The following CCNY variants were observed in gnomAD, a reference collection of about 807,000 sequenced individuals.
The protein encoded by CCNY is cyclin Y, also known as cyclin-Y.
Under a neutral mutation model 42.8 loss-of-function variants are expected in CCNY, and 19 were observed. The ratio of observed to expected loss-of-function variants is 0.44; its 90% CI spans 0.31 to 0.65. The LOEUF (loss-of-function observed/expected upper bound fraction) is 0.65, where lower values mean the gene tolerates loss of function less well. Among genes scored for constraint, CCNY ranks in the 30% least tolerant of loss-of-function variants. CCNY has a pLI of 0.07. For synonymous variants in CCNY, 165 were observed against 162.7 expected, an observed-to-expected ratio of 1.01 and a Z score of -0.11; for missense variants, 370 against 437.3, an observed-to-expected ratio of 0.85 and a Z score of 1.37.
At chr10:35,509,326 A>C (rs954300551) in intron 3 of CCNY, among the ~76,000 whole-genome samples, 3 of 152,100 alleles carry the variant, frequency 2.0e-5, no homozygotes, top group African/African-American at 7.2e-5. Flanking sequence ...CCCAGGCTGG[A>C]GTACAGTGGT....
intron 1 of CCNY, among the ~76,000 whole-genome samples, chr10:35,476,393 C>A (rs1839510615): frequency 6.6e-6 from 1 of 152,096 alleles, no homozygotes; most frequent in African/African-American, 2.4e-5. Flanking sequence ...AAGTAAAGCT[C>A]TCCTCAGCAA....
intron 1 of CCNY, among the ~76,000 whole-genome samples, chr10:35,475,181 T>G (rs1839479331): frequency 6.6e-6 from 1 of 151,812 alleles, no homozygotes; most frequent in Non-Finnish European, 1.5e-5. Flanking sequence ...CTGAAAGTGA[T>G]GGGGAGAATG....
intron 1 of CCNY, among the ~76,000 whole-genome samples, chr10:35,423,900 A>G (rs992083997): frequency 2.6e-5 from 4 of 152,226 alleles, no homozygotes; most frequent in Admixed American, 2.0e-4. Context: ...GTTAGAGAAG[A>G]GTTTTTCAGA....
chr10:35,534,375 A>G (rs1840836031), intron 7 of CCNY, among the ~76,000 whole-genome samples: 1 of 152,096 alleles, frequency 6.6e-6, no homozygotes, highest in African/African-American at 2.4e-5. Flanking sequence ...CGGGGACATC[A>G]CTCAACTGAA....
intron 2 of CCNY, among the ~76,000 whole-genome samples, chr10:35,483,936 C>G (rs1160944331): frequency 6.6e-6 from 1 of 151,484 alleles, no homozygotes; most frequent in Non-Finnish European, 1.5e-5. Flanking sequence ...TTTTCTTTCT[C>G]TTTTTTTTTC....
Position 35,304,294 on chromosome 10 carries a change from A to ATT in CCNY, c.-9+53683_-9+53684dup, listed in dbSNP as rs879681124. Among the ~76,000 whole-genome samples the ATT allele has an allele frequency of 3.6e-5, 4 of 110,892 alleles. 1 individual carries two copies. Among genetic ancestry groups the ATT allele is most frequent in the Non-Finnish European group, 7.2e-5 (4 of 55,588 alleles). The allele number at this position is 110,892 out of a possible 152,430, so 72.7% of individuals were successfully genotyped here. A position where few individuals can be genotyped will look rare whatever the true frequency, so the allele number is the denominator to read the frequency against. On this transcript the variant is annotated intron_variant, in intron 3 of 11. Transcript: ENST00000374706. ...CTTGAAAAGGCTTTTTTCTCCTTTT[A>ATT]TTTTTTTTTTTTTTTTATTTTTTAT...
At chr10:35,257,869 T>C (rs1006134668) in intron 3 of CCNY, among the ~76,000 whole-genome samples, 4 of 152,218 alleles carry the variant, frequency 2.6e-5, no homozygotes, top group African/African-American at 9.6e-5. Context: ...CCATAATATG[T>C]ATGTTGGTCT....
At chr10:35,426,589 G>A (rs571081672) in intron 1 of CCNY, among the ~76,000 whole-genome samples, 2 of 152,308 alleles carry the variant, frequency 1.3e-5, no homozygotes, top group East Asian at 1.9e-4. Flanking sequence ...AGGATTGTGT[G>A]TAATACGTTT....
At chr10:35,535,101 G>A (rs1030944074) in intron 7 of CCNY, among the ~76,000 whole-genome samples, 25 of 151,236 alleles carry the variant, frequency 1.7e-4, no homozygotes, top group African/African-American at 4.9e-4. Flanking sequence ...GAGGATGAAC[G>A]TGAGAATAAA....
At chr10:35,403,088 G>A (rs768291175) in intron 1 of CCNY, among the ~76,000 whole-genome samples, 2 of 151,316 alleles carry the variant, frequency 1.3e-5, no homozygotes, top group Non-Finnish European at 1.5e-5. Context: ...CCAGTCCTGG[G>A]CGGGGGAAAA....
intron 1 of CCNY, among the ~76,000 whole-genome samples, chr10:35,357,250 T>C (rs1836578039): frequency 8.2e-6 from 1 of 121,572 alleles, no homozygotes; most frequent in Non-Finnish European, 1.6e-5. Flanking sequence ...TATGAGGTAA[T>C]GTTTACCACA....
At chr10:35,344,409 G>A (rs1158879414) in intron 1 of CCNY, among the ~76,000 whole-genome samples, 1 of 137,572 alleles carries the variant, frequency 7.3e-6, no homozygotes, top group Non-Finnish European at 1.6e-5. Context: ...GCCTTGCCTT[G>A]GGCTGGGCGC....
chr10:35,341,706 G>C (rs1836187234), intron 1 of CCNY, among the ~76,000 whole-genome samples: 2 of 152,218 alleles, frequency 1.3e-5, no homozygotes, highest in Admixed American at 1.3e-4. Flanking sequence ...TTGTAATAAT[G>C]AAAGTAGCGT....
chr10:35,428,117 G>A (rs1838309082), intron 1 of CCNY, among the ~76,000 whole-genome samples: 1 of 152,188 alleles, frequency 6.6e-6, no homozygotes, highest in Non-Finnish European at 1.5e-5. Flanking sequence ...TGTATTTACT[G>A]CATAGCAGGC....
chr10:35,462,699 G>C (rs1176367586), intron 1 of CCNY, among the ~76,000 whole-genome samples: 2 of 152,186 alleles, frequency 1.3e-5, no homozygotes, highest in Non-Finnish European at 2.9e-5. Context: ...GAGCAGAGGG[G>C]CTGGTGCTGG....
intron 3 of CCNY, among the ~76,000 whole-genome samples, chr10:35,255,343 C>A (rs905079201): frequency 1.4e-5 from 2 of 144,026 alleles, no homozygotes; most frequent in Non-Finnish European, 3.0e-5. Flanking sequence ...TTTTTTGAGA[C>A]AGAGTCCCGC....
intron 7 of CCNY, among the ~76,000 whole-genome samples, chr10:35,540,110 T>TTC (rs1297413474): frequency 3.3e-5 from 5 of 152,346 alleles, no homozygotes; most frequent in African/African-American, 1.2e-4. Context: ...AAGTGTTGAA[T>TTC]AGAAGTATCA....
chr10:35,475,923 A>G (rs1238739879), intron 1 of CCNY, among the ~76,000 whole-genome samples: 1 of 152,026 alleles, frequency 6.6e-6, no homozygotes, highest in Non-Finnish European at 1.5e-5. Flanking sequence ...ACATAGGCTC[A>G]AAATAAAAGG....
chr10:35,338,114 A>C (rs1251629537), intron 1 of CCNY, among the ~76,000 whole-genome samples: 4 of 152,162 alleles, frequency 2.6e-5, no homozygotes, highest in Non-Finnish European at 4.4e-5. Context: ...TGACAAGGTG[A>C]TTTTTTTAAC....
Sources: gnomAD v4.1 joint callset for allele counts (sites outside exome capture counted in the v4.1 genomes callset) on GRCh38, gnomAD v4.1.1 for gene constraint, MANE v1.5 for transcripts, NCBI Gene and HGNC (gene_info 2026-07-23, HGNC 2026-07-21) for gene names.